The following DYDC2 variants were observed in gnomAD, a reference collection of about 807,000 sequenced individuals.
The protein encoded by DYDC2 is DPY30 domain containing 2, also known as DPY30 domain-containing protein 2.
DYDC2 carries 19 observed loss-of-function variants against 18.7 expected under a neutral mutation model. The ratio of observed to expected loss-of-function variants is 1.02; its 90% CI spans 0.71 to 1.49. DYDC2 has a LOEUF of 1.49. Among genes scored for constraint, DYDC2 ranks in the 40% most tolerant of loss-of-function variants. The pLI, the probability that DYDC2 is intolerant of heterozygous loss-of-function variation, is 0.00. For synonymous variants in DYDC2, 63 were observed against 67.6 expected (o/e 0.93, Z 0.34); for missense variants, 179 against 205.1 (o/e 0.87, Z 0.78).
intron 1 of DYDC2, among the ~76,000 whole-genome samples, chr10:80,357,366 G>A (rs537281022): frequency 6.6e-6 from 1 of 152,136 alleles, no homozygotes; most frequent in South Asian, 2.1e-4. Context: ...GGTGAGCCGA[G>A]GAGACTTGCT....
intron 1 of DYDC2, among the ~76,000 whole-genome samples, chr10:80,345,819 T>C (rs1032926766): frequency 2.6e-5 from 4 of 152,170 alleles, no homozygotes; most frequent in South Asian, 2.1e-4. Flanking sequence ...ATGTGATACA[T>C]ATATGTGAGA....
upstream of DYDC2, among the ~76,000 whole-genome samples, chr10:80,356,046 T>G (rs1458816863): frequency 1.4e-5 from 2 of 143,868 alleles, no homozygotes; most frequent in South Asian, 2.3e-4. Flanking sequence ...GGATAAAATG[T>G]GGGAAGGGAG....
intron 4 of DYDC2, among the ~76,000 whole-genome samples, chr10:80,365,614 G>A (rs559313664): frequency 2.6e-5 from 4 of 152,226 alleles, no homozygotes; most frequent in South Asian, 2.1e-4. Context: ...GGCAAAGATT[G>A]AAGTGGAGGG....
At position 80,362,534 on chromosome 10, in the gene DYDC2, G is replaced by A. The variant is rs1178892382; in HGVS notation, c.91G>A (p.Glu31Lys). Residue 31 changes from glutamate (E) to lysine (K), a missense_variant, in exon 3 of 5, where the codon GAA becomes AAA. Coordinates refer to ENST00000256039, the MANE Select transcript of DYDC2 (RefSeq NM_032372.6). The stretch of plus-strand genomic sequence containing the variant: ...GAAGGTTCGGCCCAGTGACCCAATA[G>A]AATACCTGGCTCACTGGCTTTATCA... The part of the protein sequence containing the change: ...VAKVRPSDPI[E>K]YLAHWLYHYR... The A allele has an allele frequency of 6.2e-7, 1 of 1,614,066 alleles. No homozygotes were observed.
upstream of DYDC2, among the ~76,000 whole-genome samples, chr10:80,355,294 C>A (rs915085402): frequency 1.3e-5 from 2 of 151,502 alleles, no homozygotes; most frequent in Non-Finnish European, 2.9e-5. Flanking sequence ...CGTCCATAAC[C>A]CCCAATTTTT....
intron 4 of DYDC2, among the ~76,000 whole-genome samples, chr10:80,365,602 C>T (rs770328566): frequency 2.0e-5 from 3 of 152,194 alleles, no homozygotes; most frequent in African/African-American, 4.8e-5. Context: ...GTACAACTTC[C>T]AGGCAAAGAT....
At chr10:80,347,081 G>A (rs572194887) in intron 1 of DYDC2, among the ~76,000 whole-genome samples, 8 of 147,002 alleles carry the variant, frequency 5.4e-5, no homozygotes, top group East Asian at 2.0e-4. Flanking sequence ...CTCTGTGTCC[G>A]AAAAAGAAAA....
At chr10:80,353,114 A>G (rs1843102458), upstream of DYDC2, among the ~76,000 whole-genome samples, 1 of 152,024 alleles carries the variant, frequency 6.6e-6, no homozygotes. Flanking sequence ...AAGCCATGAG[A>G]GCCGTTTTTA....
At chr10:80,352,686 G>A (rs1319326394), upstream of DYDC2, 4 of 1,472,196 alleles carry the variant, frequency 2.7e-6, no homozygotes, top group Admixed American at 7.2e-5. Flanking sequence ...CCAGTGAGGT[G>A]AACAAAGCCT....
intron 2 of DYDC2, among the ~76,000 whole-genome samples, chr10:80,358,697 A>G (rs1022791282): frequency 6.6e-6 from 1 of 152,132 alleles, no homozygotes; most frequent in African/African-American, 2.4e-5. Flanking sequence ...TTTTATTAAC[A>G]TGCAGGTTCT....
chr10:80,354,547 A>AATAC (rs1843239603), upstream of DYDC2: 3 of 151,944 alleles, frequency 2.0e-5, no homozygotes, highest in Admixed American at 2.0e-4. Context: ...AGGTACTGGG[A>AATAC]ATACAAAACT....
Position 80,358,037 on chromosome 10 carries a change from C to T in DYDC2, c.-18C>T. The T allele has an allele frequency of 2.0e-6, 2 of 985,492 alleles. No individual in the cohort carries two copies. Among genetic ancestry groups the T allele is most frequent in the South Asian group, 9.4e-5 (2 of 21,286 alleles). 61.0% of individuals were successfully genotyped at this position (985,492 alleles called of 1,614,324 possible). On this transcript the variant is annotated 5_prime_UTR_variant, in exon 2 of 5. Transcript: ENST00000256039. ...GGGAAACACTGAAAAATAGCCTCTC[C>T]CCCCATTGGTGAGTGTACCCTAAGT... is the stretch of plus-strand genomic sequence containing the variant.
Position 80,366,974 on chromosome 10 carries a change from G to C in DYDC2, c.*23G>C, listed in dbSNP as rs762059512. 1.9e-6 allele frequency: 3 copies of C among 1,585,148 alleles called. No homozygotes were observed. The highest frequency in any genetic ancestry group is 2.6e-6 in the Non-Finnish European group (3 of 1,168,134). ...TAGGTTACAGAAGGTAGATGCTTCT[G>C]ATTTACTTCTCTCAAAGCTAGAAGC... is the stretch of plus-strand genomic sequence containing the variant. On this transcript the variant is annotated 3_prime_UTR_variant, in exon 5 of 5. Transcript: ENST00000256039.
upstream of DYDC2, chr10:80,352,664 T>G: frequency 6.5e-7 from 1 of 1,546,522 alleles, no homozygotes; most frequent in Non-Finnish European, 8.7e-7. Context: ...AAAGTCACTA[T>G]AAAACTAAAG....
In DYDC2 at chr10:80,362,945, C is replaced by G; in HGVS notation, c.148-6C>G. 2 of 1,611,690 alleles carry G rather than the reference C, an allele frequency of 1.2e-6. No individual in the cohort carries two copies. The highest frequency in any genetic ancestry group is 3.3e-5 in the Admixed American group (2 of 59,748). On this transcript the variant is annotated splice_polypyrimidine_tract_variant and splice_region_variant and intron_variant, in intron 3 of 4. Transcript: ENST00000256039. ...GACCTGATTTGACTCTGTCACCTCA[C>G]CCCAGAATAGGGAAAAGAAGATCCA... is the stretch of plus-strand genomic sequence containing the variant.
rs1453184875 is a variant in DYDC2 at position 80,366,759 on chromosome 10, G to C, written c.342G>C (p.Lys114Asn). Residue 114 changes from lysine (K) to asparagine (N), a missense_variant, in exon 5 of 5, where the codon AAG becomes AAC. By Grantham distance (94) the Lys-to-Asn change is moderately conservative. Coordinates refer to ENST00000256039, the MANE Select transcript of DYDC2 (RefSeq NM_032372.6). ...AGGAGGACACAAACCCCCTTGAGAA[G>C]GAGGCCTTGAAGCAGGAATTCCTGC... ...FMQEDTNPLE[K>N]EALKQEFLPG... 12 of 1,614,146 alleles carry C rather than the reference G, an allele frequency of 7.4e-6. No individual in the cohort carries two copies. The South Asian group carries it at 1.3e-4, about 18-fold the overall frequency.
chr10:80,354,828 C>A (rs1310677972), upstream of DYDC2, among the ~76,000 whole-genome samples: 1 of 152,162 alleles, frequency 6.6e-6, no homozygotes, highest in Non-Finnish European at 1.5e-5. Flanking sequence ...GACTTCCCAG[C>A]CTCCAGAATG....
rs1843857377 is a variant in DYDC2, at chr10:80,366,937, A to G, written c.520A>G (p.Lys174Glu). Reference protein sequence around the residue: ...EVAHEMPPGSKSPF With the variant: ...EVAHEMPPGSESPF ...TGCTCATGAAATGCCTCCTGGCTCC[A>G]AATCTCCTTTTTAGGTTACAGAAGG... Residue 174 changes from lysine to glutamate, a missense_variant, in exon 5 of 5, where the codon AAA becomes GAA. By Grantham distance (56) the Lys-to-Glu change is moderately conservative. Coordinates refer to ENST00000256039, the MANE Select transcript of DYDC2 (RefSeq NM_032372.6). The G allele has an allele frequency of 6.2e-7, 1 of 1,612,754 alleles. No homozygotes were observed. Among genetic ancestry groups the G allele is most frequent in the African/African-American group, 1.3e-5 (1 of 74,788 alleles).
intron 3 of DYDC2, 148 bp downstream of exon 3, chr10:80,362,738 G>A (rs1843703015): frequency 7.2e-7 from 1 of 1,379,876 alleles, no homozygotes; most frequent in Non-Finnish European, 9.8e-7. Context: ...TGAAGCATGG[G>A]GATCCTGGGG....
Sources: gnomAD v4.1 joint callset for allele counts (sites outside exome capture counted in the v4.1 genomes callset) on GRCh38, gnomAD v4.1.1 for gene constraint, MANE v1.5 for transcripts, NCBI Gene and HGNC (gene_info 2026-07-23, HGNC 2026-07-21) for gene names.